The following LRRC37A2 variants were observed in gnomAD, a reference collection of about 807,000 sequenced individuals.
LRRC37A2 encodes leucine rich repeat containing 37 member A2.
Under a neutral mutation model 68.8 loss-of-function variants are expected in LRRC37A2, and 9 were observed. The observed-to-expected ratio is 0.13, with a 90% CI of 0.08 to 0.23. The LOEUF is 0.23. LRRC37A2 is among the 10% of genes least tolerant of loss of function. The pLI is 1.00. For missense variants in LRRC37A2, 168 were observed against 950.4 expected, an observed-to-expected ratio of 0.18 and a Z score of 10.82; for synonymous variants, 63 against 367.6, an observed-to-expected ratio of 0.17 and a Z score of 9.48.
the LRRC37A2 span, among the ~76,000 whole-genome samples, chr17:46,716,345 C>G: frequency 6.6e-6 from 1 of 151,928 alleles, no homozygotes; most frequent in African/African-American, 2.4e-5. Context: ...CAAGCTCCAC[C>G]TCCCGGGTTC....
the LRRC37A2 span, among the ~76,000 whole-genome samples, chr17:47,026,578 A>G: frequency 6.6e-6 from 1 of 152,144 alleles, no homozygotes; most frequent in African/African-American, 2.4e-5. Context: ...TGTGTGCAGG[A>G]TAGTTTAGGA....
the LRRC37A2 span, among the ~76,000 whole-genome samples, chr17:47,034,173 C>CA: frequency 3.3e-5 from 5 of 152,108 alleles, no homozygotes; most frequent in Admixed American, 2.6e-4. Flanking sequence ...CCAATCTCTA[C>CA]AAAAAGACTT....
At chr17:46,753,848 T>C in the LRRC37A2 span, among the ~76,000 whole-genome samples, 1 of 152,230 alleles carries the variant, frequency 6.6e-6, no homozygotes, top group Non-Finnish European at 1.5e-5. Flanking sequence ...TCTCTTTAGA[T>C]CTGCCTTAGA....
the LRRC37A2 span, among the ~76,000 whole-genome samples, chr17:47,004,617 C>T: frequency 6.6e-6 from 1 of 152,212 alleles, no homozygotes; most frequent in Admixed American, 6.5e-5. Context: ...CAGCCTTGAC[C>T]TCCTGTGCTC....
the LRRC37A2 span, among the ~76,000 whole-genome samples, chr17:47,033,557 A>G: frequency 6.6e-6 from 1 of 152,182 alleles, no homozygotes; most frequent in Non-Finnish European, 1.5e-5. Context: ...TGTCATTTAA[A>G]TTTATTTTCA....
the LRRC37A2 span, chr17:46,933,185 T>A: frequency 6.6e-6 from 1 of 152,262 alleles, no homozygotes; most frequent in Non-Finnish European, 1.5e-5. Flanking sequence ...GATGATCGCT[T>A]GGGATTATTT....
At chr17:46,933,809 TAAAA>T in the LRRC37A2 span, among the ~76,000 whole-genome samples, 1 of 151,502 alleles carries the variant, frequency 6.6e-6, no homozygotes, top group Admixed American at 6.6e-5. Flanking sequence ...CAAAAAAATA[TAAAA>T]ATTAGCCGGG....
chr17:46,852,389 A>AGTGTGTGTGTGTGTGT, the LRRC37A2 span, among the ~76,000 whole-genome samples: 7 of 105,378 alleles, frequency 6.6e-5, no homozygotes, highest in South Asian at 7.8e-4. Flanking sequence ...GAGAGGGCCC[A>AGTGTGTGTGTGTGTGT]GTGTGTGTGT....
At chr17:46,959,562 C>G in the LRRC37A2 span, among the ~76,000 whole-genome samples, 1 of 152,142 alleles carries the variant, frequency 6.6e-6, no homozygotes, top group Non-Finnish European at 1.5e-5. Context: ...AAAACACTCT[C>G]AAGAGCTTAT....
the LRRC37A2 span, chr17:46,923,073 C>T: frequency 2.7e-6 from 2 of 737,022 alleles, no homozygotes; most frequent in Admixed American, 2.0e-5. Flanking sequence ...CGCGTGCGGG[C>T]AGCCCTGGCC....
downstream of LRRC37A2, among the ~76,000 whole-genome samples, chr17:46,557,927 G>GT (rs571315092): frequency 2.9e-3 from 328 of 112,202 alleles, 32 homozygotes; most frequent in East Asian, 0.075. Context: ...TTGATTCAGA[G>GT]TTTTTTCTGG....
chr17:46,460,928 G>A, the LRRC37A2 span, among the ~76,000 whole-genome samples: 5 of 47,792 alleles, frequency 1.0e-4, no homozygotes, highest in Non-Finnish European at 2.1e-4. Flanking sequence ...AAAACTGATG[G>A]AAAACATTAG....
At chr17:46,726,402 A>T in the LRRC37A2 span, 1 of 739,164 alleles carries the variant, frequency 1.4e-6, no homozygotes, top group Non-Finnish European at 2.4e-6. Context: ...GCGGTGATCC[A>T]GTGTGTCAAT....
chr17:46,494,045 A>G, the LRRC37A2 span, among the ~76,000 whole-genome samples: 135 of 148,792 alleles, frequency 9.1e-4, 9 homozygotes, highest in African/African-American at 3.2e-3. Flanking sequence ...GGGTTTCGCT[A>G]TGTTGCCCAG....
At chr17:47,021,661 T>A in the LRRC37A2 span, 1 of 666,028 alleles carries the variant, frequency 1.5e-6, no homozygotes, top group Non-Finnish European at 2.5e-6. Context: ...TGCCTCATCA[T>A]TTGTGCCAGT....
chr17:46,775,211 T>C, the LRRC37A2 span, among the ~76,000 whole-genome samples: 5 of 152,208 alleles, frequency 3.3e-5, 1 homozygote, highest in South Asian at 1.0e-3. Context: ...TTCCCAAACA[T>C]GAAGAACATC....
the LRRC37A2 span, chr17:46,934,920 C>G: frequency 3.1e-6 from 3 of 965,280 alleles, no homozygotes; most frequent in East Asian, 2.4e-5. Context: ...GATTCTTTCA[C>G]CAGCCCCTCC....
chr17:46,775,942 C>G, the LRRC37A2 span, among the ~76,000 whole-genome samples: 1 of 152,190 alleles, frequency 6.6e-6, no homozygotes, highest in East Asian at 1.9e-4. Flanking sequence ...GTGGTAATGG[C>G]TAATTACTGA....
the LRRC37A2 span, among the ~76,000 whole-genome samples, chr17:47,045,088 C>T: frequency 7.6e-6 from 1 of 131,750 alleles, no homozygotes; most frequent in African/African-American, 2.7e-5. Flanking sequence ...GTTCCGGGTC[C>T]ATTCCATATG....
Sources: allele counts gnomAD v4.1 joint callset (sites outside exome capture counted in the v4.1 genomes callset), GRCh38; gene constraint gnomAD v4.1.1; transcripts MANE v1.5; gene names NCBI Gene and HGNC (gene_info 2026-07-23, HGNC 2026-07-21).